The following WWOX variants were observed in gnomAD, a reference collection of about 807,000 sequenced individuals.
The protein encoded by WWOX is WW domain-containing oxidoreductase.
A neutral mutation model predicts 46.2 loss-of-function variants in WWOX; 69 were observed. The ratio of observed to expected loss-of-function variants is 1.49; its 90% CI spans 1.23 to 1.82. The LOEUF is 1.82. Ranked by LOEUF, WWOX falls within the 40% of genes most tolerant of loss-of-function variation. The pLI, the probability that WWOX is intolerant of heterozygous loss-of-function variation, is 0.00. For missense variants in WWOX, 919 were observed against 542.6 expected, an observed-to-expected ratio of 1.69 and a Z score of -6.89; for synonymous variants, 359 against 202.6, an observed-to-expected ratio of 1.77 and a Z score of -6.56.
rs901718334 is a variant in WWOX at position 78,999,061 on chromosome 16, C to T, written c.1057-212547C>T. On this transcript the variant is annotated intron_variant, in intron 8 of 8. Coordinates refer to ENST00000566780, the MANE Select transcript of WWOX (RefSeq NM_016373.4). ...AGAGACAGGCAGAGCTAGAAATATT[C>T]CGGACGTGGAAATCAAAAGTAGGTT... 4.6e-5 allele frequency among the ~76,000 whole-genome samples: 7 copies of T among 152,122 alleles called. No individual in the cohort carries two copies. The South Asian group carries it at 1.5e-3, about 32-fold the overall frequency.
chr16:78,754,533 T>G (rs1417028547), intron 8 of WWOX, among the ~76,000 whole-genome samples: 2 of 152,092 alleles, frequency 1.3e-5, no homozygotes, highest in Non-Finnish European at 2.9e-5. Flanking sequence ...TTGTTTTTGT[T>G]TTTCTCTCCA....
chr16:78,277,858 A>T (rs1014897064), intron 5 of WWOX, among the ~76,000 whole-genome samples: 17 of 152,216 alleles, frequency 1.1e-4, no homozygotes, highest in African/African-American at 4.1e-4. Flanking sequence ...GATTTGAAGA[A>T]TGTCCAAAAT....
Position 78,546,787 on chromosome 16 carries a change from C to T in WWOX, c.1056+114035C>T, listed in dbSNP as rs541218532. Reference sequence around the variant, plus strand: ...AGAGATAAGTTACTGACGTGTGTTACCAGAGAGAGCCTAGAAAACCTGGGC... The same window carrying T: ...AGAGATAAGTTACTGACGTGTGTTATCAGAGAGAGCCTAGAAAACCTGGGC... On this transcript the variant is annotated intron_variant, in intron 8 of 8. Transcript: ENST00000566780. Among the ~76,000 whole-genome samples, 6 of 152,152 alleles carry T rather than the reference C, an allele frequency of 3.9e-5. No homozygotes were observed. The South Asian group carries it at 1.2e-3, about 32-fold the overall frequency.
intron 8 of WWOX, among the ~76,000 whole-genome samples, chr16:79,026,079 G>A (rs760766458): frequency 6.6e-6 from 1 of 151,540 alleles, no homozygotes; most frequent in Non-Finnish European, 1.5e-5. Context: ...GGGATTACAG[G>A]CATGAGTCCC....
intron 8 of WWOX, among the ~76,000 whole-genome samples, chr16:78,440,387 C>T (rs1412768344): frequency 6.6e-6 from 1 of 152,112 alleles, no homozygotes; most frequent in East Asian, 1.9e-4. Flanking sequence ...TTAATTTCTA[C>T]CCATCCTGCA....
At chr16:78,826,837 A>T (rs2151151778) in intron 8 of WWOX, among the ~76,000 whole-genome samples, 1 of 152,226 alleles carries the variant, frequency 6.6e-6, no homozygotes, top group South Asian at 2.1e-4. Flanking sequence ...CAGCTGTGTG[A>T]CAATTCTGGA....
intron 8 of WWOX, among the ~76,000 whole-genome samples, chr16:79,006,773 C>G (rs78667847): frequency 0.028 from 4,196 of 152,186 alleles, 185 homozygotes; most frequent in African/African-American, 0.096. Flanking sequence ...TCTTCATGGA[C>G]TCAGGGTCCC....
chr16:79,092,475 C>G (rs2048982257), intron 8 of WWOX, among the ~76,000 whole-genome samples: 2 of 152,172 alleles, frequency 1.3e-5, no homozygotes, highest in African/African-American at 4.8e-5. Context: ...ATCTCACCAC[C>G]AGGCTGACCC....
intron 8 of WWOX, among the ~76,000 whole-genome samples, chr16:79,198,518 G>A (rs948962256): frequency 6.6e-6 from 1 of 152,164 alleles, no homozygotes; most frequent in Non-Finnish European, 1.5e-5. Context: ...TCAAACCTAA[G>A]AGTCTCAGGT....
chr16:78,791,179 T>G (rs938926531), intron 8 of WWOX, among the ~76,000 whole-genome samples: 1 of 152,144 alleles, frequency 6.6e-6, no homozygotes, highest in Non-Finnish European at 1.5e-5. Flanking sequence ...GACTACCATC[T>G]GGATGTGGGC....
At position 78,364,159 on chromosome 16, in the gene WWOX, T is replaced by C. The variant is rs553148069; in HGVS notation, c.517-22701T>C. 2.0e-5 allele frequency among the ~76,000 whole-genome samples: 3 copies of C among 152,304 alleles called. No individual in the cohort carries two copies. The South Asian group carries it at 6.2e-4, about 32-fold the overall frequency. ...GTAACCCTCCTTTCCAGCGACCCTGTTTGCAGCAAAGACTATAATTTTATT... is the reference window on the plus strand; with the variant it reads ...GTAACCCTCCTTTCCAGCGACCCTGCTTGCAGCAAAGACTATAATTTTATT... On this transcript the variant is annotated intron_variant, in intron 5 of 8. Transcript: ENST00000566780.
At chr16:78,181,879 G>A (rs574507029) in intron 5 of WWOX, among the ~76,000 whole-genome samples, 3 of 152,166 alleles carry the variant, frequency 2.0e-5, no homozygotes, top group East Asian at 1.9e-4. Flanking sequence ...TGGAGGTATG[G>A]AAGGTCTTTA....
At chr16:79,014,761 A>T (rs1249381872) in intron 8 of WWOX, among the ~76,000 whole-genome samples, 1 of 152,138 alleles carries the variant, frequency 6.6e-6, no homozygotes, top group Non-Finnish European at 1.5e-5. Context: ...AGTGGATTCG[A>T]GTTAGTTTTG....
At chr16:78,997,363 G>T (rs2047010910) in intron 8 of WWOX, among the ~76,000 whole-genome samples, 1 of 152,076 alleles carries the variant, frequency 6.6e-6, no homozygotes, top group Non-Finnish European at 1.5e-5. Context: ...TAGAAGATTC[G>T]TGGCTTGGGT....
intron 8 of WWOX, among the ~76,000 whole-genome samples, chr16:78,474,179 A>T (rs1337622711): frequency 6.6e-6 from 1 of 152,224 alleles, no homozygotes; most frequent in African/African-American, 2.4e-5. Context: ...AAGTGTTAAC[A>T]TTGTTCAAAT....
At chr16:78,475,678 C>G (rs1721922867) in intron 8 of WWOX, among the ~76,000 whole-genome samples, 2 of 152,098 alleles carry the variant, frequency 1.3e-5, no homozygotes, top group African/African-American at 4.8e-5. Flanking sequence ...TCACTGCAAC[C>G]TACACCTTCT....
intron 8 of WWOX, among the ~76,000 whole-genome samples, chr16:78,568,556 A>C (rs1455212225): frequency 6.7e-6 from 1 of 149,764 alleles, no homozygotes; most frequent in Non-Finnish European, 1.5e-5. Context: ...GGTCACTGCA[A>C]CCTCTGCCTC....
chr16:79,048,257 G>C (rs1012181836), intron 8 of WWOX, among the ~76,000 whole-genome samples: 1 of 143,760 alleles, frequency 7.0e-6, no homozygotes. Flanking sequence ...GTTTTCAGCT[G>C]AGAAAAGTGA....
At chr16:78,408,219 C>A (rs1044672980) in intron 6 of WWOX, among the ~76,000 whole-genome samples, 1 of 152,192 alleles carries the variant, frequency 6.6e-6, no homozygotes, top group Non-Finnish European at 1.5e-5. Context: ...TGATCCCCAC[C>A]TTTCACCTAT....
Sources: allele counts gnomAD v4.1 joint callset (sites outside exome capture counted in the v4.1 genomes callset), GRCh38; gene constraint gnomAD v4.1.1; transcripts MANE v1.5; gene names NCBI Gene and HGNC (gene_info 2026-07-23, HGNC 2026-07-21).